ZBTB20: variants seen among roughly 807,000 people sequenced by gnomAD.
ZBTB20 encodes the protein zinc finger and BTB domain-containing protein 20.
ZBTB20 carries 9 observed loss-of-function variants against 56.9 expected under a neutral mutation model. That is an observed-to-expected ratio of 0.16 (90% confidence interval 0.10 to 0.28). The LOEUF is 0.28. Ranked by LOEUF, ZBTB20 falls within the 10% of genes least tolerant of loss-of-function variation. ZBTB20 has a pLI of 1.00. For synonymous variants in ZBTB20, 417 were observed against 420.7 expected, an observed-to-expected ratio of 0.99 and a Z score of 0.11; for missense variants, 655 against 1,003.0, an observed-to-expected ratio of 0.65 and a Z score of 4.69.
At chr3:114,753,404 T>TA (rs1408672122) in intron 5 of ZBTB20, among the ~76,000 whole-genome samples, 1 of 137,622 alleles carries the variant, frequency 7.3e-6, no homozygotes, top group African/African-American at 2.9e-5. Context: ...TGTATATATA[T>TA]ACACACACGT....
rs142095825 is a variant in ZBTB20, at chr3:115,121,760, G to A, written c.-703+25459C>T. ...ACATCATGTTTAAATTCATATAATC[G>A]CTAACTTACCATATTCCAGTAAGCA... On this transcript the variant is annotated intron_variant, in intron 1 of 11. Coordinates refer to ENST00000675478, the MANE Select transcript of ZBTB20 (RefSeq NM_001348800.3). Among the ~76,000 whole-genome samples the A allele has an allele frequency of 2.4e-3, 370 of 151,908 alleles. 4 individuals are homozygous for A. Among genetic ancestry groups the A allele is most frequent in the Non-Finnish European group, 4.6e-4 (31 of 67,824 alleles).
chr3:114,921,265 G>A (rs1382593115), intron 3 of ZBTB20, among the ~76,000 whole-genome samples: 5 of 152,052 alleles, frequency 3.3e-5, no homozygotes, highest in Admixed American at 2.0e-4. Context: ...TGGGATTACA[G>A]GCACCCACCA....
intron 1 of ZBTB20, among the ~76,000 whole-genome samples, chr3:115,096,025 C>G (rs771761901): frequency 2.0e-5 from 3 of 152,182 alleles, no homozygotes; most frequent in African/African-American, 7.2e-5. Context: ...AATACCTACA[C>G]ACCTATACAT....
chr3:114,550,853 C>T (rs961701018), intron 6 of ZBTB20, among the ~76,000 whole-genome samples: 3 of 152,080 alleles, frequency 2.0e-5, no homozygotes, highest in Non-Finnish European at 4.4e-5. Context: ...TGGGTTCAAG[C>T]GATTCTCGTG....
At chr3:115,008,250 G>T (rs2079556266) in intron 2 of ZBTB20, among the ~76,000 whole-genome samples, 1 of 151,794 alleles carries the variant, frequency 6.6e-6, no homozygotes, top group African/African-American at 2.4e-5. Flanking sequence ...ACTCCAAAAT[G>T]ATATTTTTCT....
chr3:114,329,596 C>T lies in ZBTB20; in HGVS notation c.*9409G>A, dbSNP rs1175484061. 2 of 151,098 alleles carry T rather than the reference C, an allele frequency of 1.3e-5. No homozygotes were observed. Among genetic ancestry groups the T allele is most frequent in the Non-Finnish European group, 2.9e-5 (2 of 67,866 alleles). The allele number at this position is 151,098 out of a possible 1,614,324, so 9.4% of individuals were successfully genotyped here. ...CTGAGGGCTGGATACCCAAGAGCCA[C>T]CATTTTACGGATTCCTCAGATTTAA... On this transcript the variant is annotated 3_prime_UTR_variant, in exon 12 of 12. Transcript: ENST00000675478.
chr3:114,517,722 C>A (rs537558895), intron 6 of ZBTB20, among the ~76,000 whole-genome samples: 1 of 151,982 alleles, frequency 6.6e-6, no homozygotes, highest in African/African-American at 2.4e-5. Flanking sequence ...ATTACAGGCA[C>A]CTGCTACCAT....
intron 4 of ZBTB20, among the ~76,000 whole-genome samples, chr3:114,836,811 C>G (rs950025418): frequency 6.6e-6 from 1 of 152,172 alleles, no homozygotes; most frequent in South Asian, 2.1e-4. Flanking sequence ...AATCCATTAT[C>G]TAAACAGAAG....
In ZBTB20 at chr3:114,326,428, T is replaced by C. The variant is rs2079066870; in HGVS notation, c.*12577A>G. On this transcript the variant is annotated 3_prime_UTR_variant, in exon 12 of 12. Coordinates refer to ENST00000675478, the MANE Select transcript of ZBTB20 (RefSeq NM_001348800.3). ...TCTATCCTCAAAGTAAAGAGAGAATTTCTCTCTTAAAAGCTCATGAGTGCT... is the reference window on the plus strand; with the variant it reads ...TCTATCCTCAAAGTAAAGAGAGAATCTCTCTCTTAAAAGCTCATGAGTGCT... 1 of 152,154 alleles carries C rather than the reference T, an allele frequency of 6.6e-6. No individual in the cohort carries two copies. The highest frequency in any genetic ancestry group is 1.5e-5 in the Non-Finnish European group (1 of 68,016). 9.4% of individuals were successfully genotyped at this position (152,154 alleles called of 1,614,324 possible).
At chr3:114,674,166 T>C (rs551632912) in intron 6 of ZBTB20, among the ~76,000 whole-genome samples, 1 of 152,294 alleles carries the variant, frequency 6.6e-6, no homozygotes, top group South Asian at 2.1e-4. Context: ...AACTTTCATA[T>C]ATTGAATGTG....
At chr3:114,823,987 A>T (rs1183823865) in intron 4 of ZBTB20, among the ~76,000 whole-genome samples, 1 of 152,068 alleles carries the variant, frequency 6.6e-6, no homozygotes, top group Non-Finnish European at 1.5e-5. Context: ...GGTGAATTTT[A>T]AAATAAGCCC....
intron 6 of ZBTB20, among the ~76,000 whole-genome samples, chr3:114,637,236 T>A: frequency 6.6e-6 from 1 of 152,004 alleles, no homozygotes; most frequent in East Asian, 1.9e-4. Flanking sequence ...GAAGTAGAGA[T>A]CTCCAATACA....
intron 5 of ZBTB20, among the ~76,000 whole-genome samples, chr3:114,766,382 G>A (rs1305374393): frequency 6.6e-6 from 1 of 152,028 alleles, no homozygotes; most frequent in African/African-American, 2.4e-5. Context: ...AACATCTAGT[G>A]CAAGAATTAA....
At chr3:114,443,933 C>T (rs959257890) in intron 7 of ZBTB20, among the ~76,000 whole-genome samples, 3 of 152,090 alleles carry the variant, frequency 2.0e-5, no homozygotes, top group Non-Finnish European at 4.4e-5. Flanking sequence ...CAAATAAATA[C>T]ATAAATAGCT....
intron 10 of ZBTB20, among the ~76,000 whole-genome samples, chr3:114,365,077 AT>A (rs2082264532): frequency 6.6e-6 from 1 of 152,146 alleles, no homozygotes; most frequent in African/African-American, 2.4e-5. Flanking sequence ...TCATTAGCTC[AT>A]TTTAAGTGTC....
At chr3:114,468,485 GA>G (rs1413247308) in intron 7 of ZBTB20, among the ~76,000 whole-genome samples, 1 of 152,042 alleles carries the variant, frequency 6.6e-6, no homozygotes. Flanking sequence ...CTATATGTAT[GA>G]ATATTCTTCT....
intron 1 of ZBTB20, among the ~76,000 whole-genome samples, chr3:115,110,604 T>A (rs185359137): frequency 6.6e-6 from 1 of 152,370 alleles, no homozygotes; most frequent in Non-Finnish European, 1.5e-5. Context: ...CATTAAATTT[T>A]ATTTTACACT....
chr3:114,477,257 C>T (rs2040888027), intron 7 of ZBTB20, among the ~76,000 whole-genome samples: 3 of 152,130 alleles, frequency 2.0e-5, no homozygotes, highest in African/African-American at 4.8e-5. Context: ...TCCATAATTA[C>T]CATTACGAAG....
At chr3:114,770,183 C>T (rs541478278) in intron 5 of ZBTB20, among the ~76,000 whole-genome samples, 2 of 151,532 alleles carry the variant, frequency 1.3e-5, no homozygotes, top group Admixed American at 1.3e-4. Flanking sequence ...CACCAAAACT[C>T]ACAAATCGCC....
Sources: gnomAD v4.1 joint callset for allele counts (sites outside exome capture counted in the v4.1 genomes callset) on GRCh38, gnomAD v4.1.1 for gene constraint, MANE v1.5 for transcripts, NCBI Gene and HGNC (gene_info 2026-07-23, HGNC 2026-07-21) for gene names.